Variants in CNTN4 observed in about 807,000 individuals in gnomAD.
The protein encoded by CNTN4 is contactin-4.
CNTN4 carries 77 observed loss-of-function variants against 122.5 expected under a neutral mutation model. The ratio of observed to expected loss-of-function variants is 0.63; its 90% CI spans 0.52 to 0.76. The LOEUF (loss-of-function observed/expected upper bound fraction) is 0.76. Ranked by LOEUF, CNTN4 falls within the 30% of genes least tolerant of loss-of-function variation. The probability of loss-of-function intolerance (pLI) is 0.00; values close to 1 mark genes in which losing one functional copy is unlikely to be tolerated. For synonymous variants in CNTN4, 512 were observed against 447.0 expected, an observed-to-expected ratio of 1.15 and a Z score of -1.83; for missense variants, 1,256 against 1,259.1, an observed-to-expected ratio of 1.00 and a Z score of 0.04.
chr3:2,510,615 T>C (rs2076858933), intron 3 of CNTN4, among the ~76,000 whole-genome samples: 1 of 152,148 alleles, frequency 6.6e-6, no homozygotes, highest in Non-Finnish European at 1.5e-5. Flanking sequence ...AACCCAGACT[T>C]GCTTAACTAA....
At chr3:3,033,278 T>G (rs543357463) in intron 16 of CNTN4, among the ~76,000 whole-genome samples, 174 of 152,300 alleles carry the variant, frequency 1.1e-3, no homozygotes, top group African/African-American at 4.0e-3. Flanking sequence ...TAGACTGACA[T>G]GCTGAAATGT....
intron 3 of CNTN4, among the ~76,000 whole-genome samples, chr3:2,440,460 G>A (rs2151278793): frequency 6.6e-6 from 1 of 152,228 alleles, no homozygotes; most frequent in Non-Finnish European, 1.5e-5. Context: ...CATATTGTGA[G>A]CAGATAATTT....
chr3:2,844,276 A>G (rs577643697), intron 7 of CNTN4, among the ~76,000 whole-genome samples: 1 of 152,238 alleles, frequency 6.6e-6, no homozygotes, highest in Non-Finnish European at 1.5e-5. Flanking sequence ...ACTGTGTGAC[A>G]TAATACTCCT....
intron 5 of CNTN4, among the ~76,000 whole-genome samples, chr3:2,743,567 G>A (rs755364287): frequency 5.3e-5 from 8 of 152,164 alleles, no homozygotes; most frequent in Non-Finnish European, 1.2e-4. Context: ...ATGTGGTAGT[G>A]TGCTGGAATG....
chr3:2,823,927 A>G lies in CNTN4; in HGVS notation c.454+4346A>G, dbSNP rs573972121. Among the ~76,000 whole-genome samples the G allele has an allele frequency of 1.6e-4, 25 of 152,260 alleles. No individual in the cohort carries two copies. The South Asian group carries it at 5.2e-3, about 32-fold the overall frequency. On this transcript the variant is annotated intron_variant, in intron 7 of 24. Transcript: ENST00000418658. ...AAGGTAAAATCTCAGACCCCACTAC[A>G]GCCTACTGAATTGGAACTTGCATTT...
intron 4 of CNTN4, among the ~76,000 whole-genome samples, chr3:2,650,078 T>A (rs1292452513): frequency 1.4e-5 from 2 of 146,322 alleles, no homozygotes; most frequent in African/African-American, 2.5e-5. Flanking sequence ...TTTTTATAAA[T>A]ATATATATAT....
At chr3:3,020,066 G>A (rs986402629) in intron 14 of CNTN4, among the ~76,000 whole-genome samples, 1 of 152,100 alleles carries the variant, frequency 6.6e-6, no homozygotes, top group Non-Finnish European at 1.5e-5. Flanking sequence ...TGCATGGTGA[G>A]TGCTGAGTTA....
chr3:2,340,685 T>TTA (rs373402290), intron 3 of CNTN4, among the ~76,000 whole-genome samples: 681 of 29,612 alleles, frequency 0.023, 51 homozygotes, highest in Middle Eastern at 0.083. Context: ...GTCATAAATT[T>TTA]TATATATATA....
At chr3:2,101,615 G>A (rs1243854531) in intron 2 of CNTN4, among the ~76,000 whole-genome samples, 3 of 152,050 alleles carry the variant, frequency 2.0e-5, no homozygotes, top group East Asian at 1.9e-4. Flanking sequence ...AGTGAAGGAG[G>A]CAAGGAGGCA....
At chr3:2,928,178 C>T (rs1240921582) in intron 13 of CNTN4, among the ~76,000 whole-genome samples, 8 of 152,128 alleles carry the variant, frequency 5.3e-5, no homozygotes, top group African/African-American at 1.7e-4. Flanking sequence ...TTTTAAATGT[C>T]AGCAACTAAT....
intron 4 of CNTN4, among the ~76,000 whole-genome samples, chr3:2,644,204 T>C (rs969333756): frequency 1.3e-5 from 2 of 152,322 alleles, no homozygotes; most frequent in African/African-American, 2.4e-5. Flanking sequence ...GTCCTAATGG[T>C]CTTCCAAAGG....
At chr3:2,445,051 C>A (rs2048573161) in intron 3 of CNTN4, among the ~76,000 whole-genome samples, 1 of 151,308 alleles carries the variant, frequency 6.6e-6, no homozygotes, top group African/African-American at 2.4e-5. Flanking sequence ...ATCTGATTGG[C>A]TCGACAGCTT....
chr3:2,194,700 C>T lies in CNTN4; in HGVS notation c.-145+94061C>T, dbSNP rs550611448. On this transcript the variant is annotated intron_variant, in intron 2 of 24. Coordinates refer to ENST00000418658, the MANE Select transcript of CNTN4 (RefSeq NM_175607.3). ...TGGCATCATTATAAGGAGAGGGCCA[C>T]GCAAAGATTGACAGGCAGGCAAAAT... is the stretch of plus-strand genomic sequence containing the variant. Among the ~76,000 whole-genome samples the T allele has an allele frequency of 1.9e-4, 29 of 152,180 alleles. No homozygotes were observed. In the East Asian group the frequency reaches 2.1e-3, roughly 11 times the overall value.
chr3:2,499,989 A>G (rs2076553209), intron 3 of CNTN4, among the ~76,000 whole-genome samples: 1 of 152,076 alleles, frequency 6.6e-6, no homozygotes, highest in Non-Finnish European at 1.5e-5. Flanking sequence ...TTTCCTTTGG[A>G]ATGATTTTAA....
chr3:2,972,446 A>G (rs901479034), intron 13 of CNTN4, among the ~76,000 whole-genome samples: 13 of 152,154 alleles, frequency 8.5e-5, no homozygotes, highest in African/African-American at 2.2e-4. Flanking sequence ...TGAACACTTC[A>G]ACAGTGCAAC....
At chr3:2,390,574 A>G (rs970013429) in intron 3 of CNTN4, among the ~76,000 whole-genome samples, 4 of 152,186 alleles carry the variant, frequency 2.6e-5, no homozygotes, top group Non-Finnish European at 5.9e-5. Flanking sequence ...TCCTGTTGAA[A>G]TAATTGTAGG....
chr3:2,907,942 A>G (rs73805431), intron 12 of CNTN4, among the ~76,000 whole-genome samples: 2,829 of 152,336 alleles, frequency 0.019, 72 homozygotes, highest in African/African-American at 0.064. Context: ...TGAGTACATC[A>G]AATGGAAGTG....
intron 4 of CNTN4, among the ~76,000 whole-genome samples, chr3:2,729,673 G>A (rs2088528328): frequency 6.6e-6 from 1 of 151,994 alleles, no homozygotes; most frequent in African/African-American, 2.4e-5. Flanking sequence ...CCGGCACTTT[G>A]GGATGCGAAG....
chr3:2,710,140 A>T (rs2087040945), intron 4 of CNTN4, among the ~76,000 whole-genome samples: 1 of 152,190 alleles, frequency 6.6e-6, no homozygotes, highest in African/African-American at 2.4e-5. Flanking sequence ...TCTTATGAGC[A>T]TTTCGGGGCA....
Sources: allele counts gnomAD v4.1 joint callset (sites outside exome capture counted in the v4.1 genomes callset), GRCh38; gene constraint gnomAD v4.1.1; transcripts MANE v1.5; gene names NCBI Gene and HGNC (gene_info 2026-07-23, HGNC 2026-07-21).